Variants in TRIM33 observed in about 807,000 individuals in gnomAD.
TRIM33 encodes tripartite motif containing 33.
Under a neutral mutation model 125.4 loss-of-function variants are expected in TRIM33, and 20 were observed. The ratio of observed to expected loss-of-function variants is 0.16; its 90% CI spans 0.11 to 0.23. The LOEUF (loss-of-function observed/expected upper bound fraction) is 0.23, where lower values mean the gene tolerates loss of function less well. Ranked by LOEUF, TRIM33 falls within the 10% of genes least tolerant of loss-of-function variation. The pLI is 1.00. For missense variants in TRIM33, 920 were observed against 1,411.4 expected (o/e 0.65, Z 5.58); for synonymous variants, 564 against 513.9 (o/e 1.10, Z -1.32).
chr1:114,508,418 C>A (rs1308685240), intron 1 of TRIM33, among the ~76,000 whole-genome samples: 1 of 152,168 alleles, frequency 6.6e-6, no homozygotes, highest in African/African-American at 2.4e-5. Flanking sequence ...CACAAGAACA[C>A]TGAATCCTAT....
At chr1:114,402,710 G>T in intron 16 of TRIM33, 50 bp downstream of exon 16, 1 of 1,586,986 alleles carries the variant, frequency 6.3e-7, no homozygotes, top group Non-Finnish European at 8.6e-7. Flanking sequence ...TGTATATATA[G>T]GCAGACAACT....
chr1:114,461,548 G>A (rs907425134), intron 4 of TRIM33, among the ~76,000 whole-genome samples: 1 of 151,170 alleles, frequency 6.6e-6, no homozygotes, highest in Non-Finnish European at 1.5e-5. Flanking sequence ...GAGTATAGGA[G>A]GAGAAAAAAA....
chr1:114,461,473 G>A (rs1042888109), intron 4 of TRIM33, among the ~76,000 whole-genome samples: 1 of 151,418 alleles, frequency 6.6e-6, no homozygotes, highest in African/African-American at 2.4e-5. Context: ...CCAAGCTGGC[G>A]AGAATCAGTC....
intron 1 of TRIM33, among the ~76,000 whole-genome samples, chr1:114,507,850 C>T (rs1314431471): frequency 6.6e-6 from 1 of 152,184 alleles, no homozygotes; most frequent in Non-Finnish European, 1.5e-5. Context: ...GACACAGTGG[C>T]TCATGCCTGT....
intron 1 of TRIM33, chr1:114,469,120 G>T: frequency 4.5e-6 from 1 of 224,060 alleles, no homozygotes; most frequent in Non-Finnish European, 8.8e-6. Context: ...GATATATTAA[G>T]GAATACTTTT....
intron 1 of TRIM33, among the ~76,000 whole-genome samples, chr1:114,502,708 T>C (rs1330810395): frequency 6.6e-6 from 1 of 151,954 alleles, no homozygotes; most frequent in Non-Finnish European, 1.5e-5. Flanking sequence ...AGTCTCACTA[T>C]ATTCCCCAGG....
chr1:114,471,416 G>A (rs1650642664), intron 1 of TRIM33, among the ~76,000 whole-genome samples: 1 of 151,308 alleles, frequency 6.6e-6, no homozygotes, highest in African/African-American at 2.4e-5. Context: ...ACTCCAGCCT[G>A]GCGACAGAGC....
chr1:114,446,785 T>C (rs1187991587), intron 4 of TRIM33, among the ~76,000 whole-genome samples: 1 of 152,182 alleles, frequency 6.6e-6, no homozygotes, highest in Non-Finnish European at 1.5e-5. Flanking sequence ...CCTGGCATGG[T>C]GGCTCATGCC....
At chr1:114,424,960 C>T (rs1647462653) in intron 9 of TRIM33, among the ~76,000 whole-genome samples, 1 of 152,134 alleles carries the variant, frequency 6.6e-6, no homozygotes, top group Non-Finnish European at 1.5e-5. Context: ...GTCTCTCTCT[C>T]TCTCTCTTAC....
intron 1 of TRIM33, among the ~76,000 whole-genome samples, chr1:114,499,311 A>G (rs1200997698): frequency 6.6e-6 from 1 of 152,140 alleles, no homozygotes; most frequent in Non-Finnish European, 1.5e-5. Flanking sequence ...GTAAAGTATT[A>G]ATTAGATCAA....
chr1:114,463,068 A>G, intron 4 of TRIM33, 36 bp downstream of exon 4: 1 of 1,521,096 alleles, frequency 6.6e-7, no homozygotes, highest in Non-Finnish European at 8.8e-7. Flanking sequence ...AGCACTTTTT[A>G]TAGTATTTCC....
rs566148008 is a variant in TRIM33 at position 114,473,022 on chromosome 1, C to T, written c.527-8634G>A. ...TATAAAATGTTCTTTTTTTGGAGGC[C>T]GAGGCGGGCAAATCATGAGGTCAAG... On this transcript the variant is annotated intron_variant, in intron 1 of 19. Transcript: ENST00000358465. 1.3e-4 allele frequency among the ~76,000 whole-genome samples: 20 copies of T among 151,154 alleles called. No homozygotes were observed. The South Asian group carries it at 3.1e-3, about 24-fold the overall frequency.
intron 1 of TRIM33, among the ~76,000 whole-genome samples, chr1:114,466,028 G>C (rs1021076870): frequency 6.6e-6 from 1 of 151,034 alleles, no homozygotes; most frequent in African/African-American, 2.4e-5. Flanking sequence ...GGGCGACAGA[G>C]AGACTCGGTC....
At chr1:114,466,765 T>C (rs927100953) in intron 1 of TRIM33, among the ~76,000 whole-genome samples, 5 of 152,204 alleles carry the variant, frequency 3.3e-5, no homozygotes, top group Admixed American at 6.5e-5. Context: ...TTTTAATCTG[T>C]ATCTTTCAAC....
intron 1 of TRIM33, among the ~76,000 whole-genome samples, chr1:114,508,665 G>A (rs1653150312): frequency 6.6e-6 from 1 of 151,974 alleles, no homozygotes; most frequent in South Asian, 2.1e-4. Flanking sequence ...TAATAGCATT[G>A]CCATCCACCA....
intron 1 of TRIM33, among the ~76,000 whole-genome samples, chr1:114,465,736 C>T (rs1650251867): frequency 6.6e-6 from 1 of 151,886 alleles, no homozygotes; most frequent in African/African-American, 2.4e-5. Context: ...TTACCAAAAA[C>T]ATGGTATAAA....
rs762591563 is a variant in TRIM33, at chr1:114,398,003, C to T, written c.3121-13G>A. The T allele has an allele frequency of 6.5e-7, 1 of 1,530,892 alleles. No homozygotes were observed. Among genetic ancestry groups the T allele is most frequent in the Non-Finnish European group, 8.7e-7 (1 of 1,150,458 alleles). The allele number at this position is 1,530,892 out of a possible 1,614,324, so 94.8% of individuals were successfully genotyped here. ...CAACTTTCATCATCTAAAAAGGATA[C>T]CAGAGTCAAAAAAAAAAAAGGGAAA... is the stretch of plus-strand genomic sequence containing the variant. On this transcript the variant is annotated splice_polypyrimidine_tract_variant and intron_variant, in intron 18 of 19. Coordinates refer to ENST00000358465, the MANE Select transcript of TRIM33 (RefSeq NM_015906.4).
intron 1 of TRIM33, among the ~76,000 whole-genome samples, chr1:114,485,896 T>G (rs1557895242): frequency 6.6e-6 from 1 of 152,172 alleles, no homozygotes; most frequent in Non-Finnish European, 1.5e-5. Flanking sequence ...AGACAATCAG[T>G]ACATGCCCAA....
In TRIM33 at chr1:114,501,063, G is replaced by A. The variant is rs1170417685; in HGVS notation, c.526+9488C>T. Among the ~76,000 whole-genome samples the A allele has an allele frequency of 4.4e-5, 5 of 114,458 alleles. 2 individuals are homozygous for A. Among genetic ancestry groups the A allele is most frequent in the African/African-American group, 1.9e-4 (5 of 26,196 alleles). The allele number at this position is 114,458 out of a possible 152,430, so 75.1% of individuals were successfully genotyped here. ...AAATTAGCCGGGCGTAGTGGCGGGC[G>A]CCTGTAGTCCCAGCTACTTGGGAGG... On this transcript the variant is annotated intron_variant, in intron 1 of 19. Transcript: ENST00000358465.
Sources: allele counts gnomAD v4.1 joint callset (sites outside exome capture counted in the v4.1 genomes callset), GRCh38; gene constraint gnomAD v4.1.1; transcripts MANE v1.5; gene names NCBI Gene and HGNC (gene_info 2026-07-23, HGNC 2026-07-21).